The following PLPPR4 variants were observed in gnomAD, a reference collection of about 807,000 sequenced individuals.
PLPPR4 encodes phospholipid phosphatase-related protein type 4.
In PLPPR4, 24 loss-of-function variants were observed where a neutral mutation model predicts 56.6. The ratio of observed to expected loss-of-function variants is 0.42; its 90% CI spans 0.31 to 0.60. The LOEUF (loss-of-function observed/expected upper bound fraction) is 0.60, where lower values mean the gene tolerates loss of function less well. Ranked by LOEUF, PLPPR4 falls within the 20% of genes least tolerant of loss-of-function variation. PLPPR4 has a pLI of 0.13. For synonymous variants in PLPPR4, 326 were observed against 328.1 expected (o/e 0.99, Z 0.07); for missense variants, 654 against 885.8 (o/e 0.74, Z 3.32).
intron 2 of PLPPR4, among the ~76,000 whole-genome samples, chr1:99,292,572 C>T (rs530537671): frequency 2.0e-5 from 3 of 152,296 alleles, no homozygotes; most frequent in East Asian, 3.9e-4. Flanking sequence ...AGGCAAACTA[C>T]GGGACTATTT....
At chr1:99,287,387 A>G (rs912301337) in intron 1 of PLPPR4, among the ~76,000 whole-genome samples, 7 of 152,180 alleles carry the variant, frequency 4.6e-5, no homozygotes, top group African/African-American at 2.4e-5. Flanking sequence ...AATGATTTCT[A>G]TTCCTTTGGG....
chr1:99,301,039 A>G, intron 5 of PLPPR4, 73 bp downstream of exon 5: 1 of 1,309,914 alleles, frequency 7.6e-7, no homozygotes, highest in Non-Finnish European at 1.1e-6. Context: ...TCTCCAGGTG[A>G]CTAATTGGAT....
chr1:99,293,330 T>A (rs1393098712), intron 2 of PLPPR4, among the ~76,000 whole-genome samples: 1 of 152,168 alleles, frequency 6.6e-6, no homozygotes, highest in Non-Finnish European at 1.5e-5. Flanking sequence ...AGTGGAAAAA[T>A]GTATTTCATT....
At position 99,301,713 on chromosome 1, in the gene PLPPR4, C is replaced by A. The variant is rs373595644; in HGVS notation, c.649-11C>A. 177 of 1,590,176 alleles carry A rather than the reference C, an allele frequency of 1.1e-4. No individual in the cohort carries two copies. Among genetic ancestry groups the A allele is most frequent in the Non-Finnish European group, 1.4e-4 (167 of 1,166,176 alleles). ...TTCTAACATACTTAACCCATTTCTTCCATTTTTAAGATGTACTTCAATTCC... is the reference window on the plus strand; with the variant it reads ...TTCTAACATACTTAACCCATTTCTTACATTTTTAAGATGTACTTCAATTCC... On this transcript the variant is annotated splice_polypyrimidine_tract_variant and intron_variant, in intron 5 of 6. Coordinates refer to ENST00000370185, the MANE Select transcript of PLPPR4 (RefSeq NM_014839.5).
intron 2 of PLPPR4, among the ~76,000 whole-genome samples, chr1:99,295,714 C>T (rs533597377): frequency 3.3e-5 from 5 of 152,266 alleles, no homozygotes; most frequent in East Asian, 3.9e-4. Context: ...GACAACCCAA[C>T]GGCCTAAGGT....
chr1:99,299,320 CATA>C, intron 4 of PLPPR4, 90 bp downstream of exon 4: 2 of 897,612 alleles, frequency 2.2e-6, no homozygotes, highest in Non-Finnish European at 3.5e-6. Context: ...CTCTTTCAGT[CATA>C]ATGATTTTGT....
intron 1 of PLPPR4, among the ~76,000 whole-genome samples, chr1:99,273,977 C>T (rs946979359): frequency 6.6e-6 from 1 of 151,896 alleles, no homozygotes; most frequent in African/African-American, 2.4e-5. Context: ...ATTGTACTTA[C>T]GTTCATTTTA....
intron 2 of PLPPR4, among the ~76,000 whole-genome samples, chr1:99,295,880 T>G (rs1659727687): frequency 6.6e-6 from 1 of 152,146 alleles, no homozygotes; most frequent in Admixed American, 6.5e-5. Context: ...AACAATTTCA[T>G]AAAGCTATGC....
chr1:99,295,189 T>C (rs1659713253), intron 2 of PLPPR4, among the ~76,000 whole-genome samples: 1 of 152,216 alleles, frequency 6.6e-6, no homozygotes, highest in Non-Finnish European at 1.5e-5. Context: ...TAGTTTATTA[T>C]GCCACATGAT....
intron 1 of PLPPR4, among the ~76,000 whole-genome samples, chr1:99,278,921 A>G (rs1253837020): frequency 6.6e-6 from 1 of 152,200 alleles, no homozygotes; most frequent in Admixed American, 6.5e-5. Context: ...TGGAGGATCC[A>G]ATTTAAGTTT....
At position 99,305,875 on chromosome 1, in the gene PLPPR4, T is replaced by C. The variant is rs1417144708; in HGVS notation, c.1013T>C (p.Leu338Pro). 10 of 1,613,960 alleles carry C rather than the reference T, an allele frequency of 6.2e-6. No individual in the cohort carries two copies. Among genetic ancestry groups the C allele is most frequent in the South Asian group, 1.1e-5 (1 of 91,084 alleles). ...LNRNHRDASS[L>P]TNLKRANADV... ...CGAAACCACAGAGATGCTAGCTCTC[T>C]GACAAATCTCAAAAGAGCAAATGCT... The change falls in exon 7 of 7, where the codon CTG becomes CCG. Residue 338 changes from leucine to proline, a missense_variant. Physicochemically the swap from Leu to Pro is moderately conservative, Grantham distance 98. Transcript: ENST00000370185.
intron 1 of PLPPR4, among the ~76,000 whole-genome samples, chr1:99,269,275 A>G (rs1026412905): frequency 6.6e-6 from 1 of 152,248 alleles, no homozygotes; most frequent in Non-Finnish European, 1.5e-5. Flanking sequence ...TTATGGCTGC[A>G]TAGTATTCCA....
chr1:99,289,992 A>G (rs971333159), intron 2 of PLPPR4, among the ~76,000 whole-genome samples: 9 of 152,144 alleles, frequency 5.9e-5, no homozygotes, highest in Non-Finnish European at 1.2e-4. Context: ...AAGAGAAGTA[A>G]GACTATTGCT....
rs768582991 is a variant in PLPPR4, at chr1:99,306,272, A to C, written c.1410A>C (p.Gly470=). The part of the protein sequence containing the change: ...AVPGCNNSMP[G]GPRVSIQSRP... ...CCGGATGTAACAACAGCATGCCTGG[A>C]GGGCCAAGAGTGTCCATTCAGTCCC... Residue 470 remains glycine (G), a synonymous_variant, in exon 7 of 7, where the codon GGA becomes GGC. Coordinates refer to ENST00000370185, the MANE Select transcript of PLPPR4 (RefSeq NM_014839.5). This position sits in a 1 kb window ranked among gnomAD's most constrained non-coding sequence, Gnocchi z 4.0. 4.2e-5 allele frequency: 67 copies of C among 1,614,038 alleles called. 1 individual carries two copies. The highest frequency in any genetic ancestry group is 5.4e-5 in the Non-Finnish European group (64 of 1,180,030).
intron 3 of PLPPR4, among the ~76,000 whole-genome samples, chr1:99,298,117 G>T (rs1314266412): frequency 2.0e-5 from 3 of 152,116 alleles, no homozygotes; most frequent in African/African-American, 7.2e-5. Flanking sequence ...ATGTAAAACA[G>T]GGTAATGTGC....
At chr1:99,288,540 T>A (rs1406351822) in intron 2 of PLPPR4, among the ~76,000 whole-genome samples, 1 of 152,136 alleles carries the variant, frequency 6.6e-6, no homozygotes. Context: ...AAAAGTGCAT[T>A]TGCTATCACT....
In PLPPR4 at chr1:99,305,551, A is replaced by G. The variant is rs6685555; in HGVS notation, c.823-134A>G. The G allele has an allele frequency of 0.018, 14,447 of 815,450 alleles. 1,247 individuals are homozygous for G. The African/African-American group carries it at 0.2, about 12-fold the overall frequency. The allele number at this position is 815,450 out of a possible 1,614,324, so 50.5% of individuals were successfully genotyped here. ...ATTTCCCTGCAAAAATATAGTTTTCATGTTTCATTATTTGTACTAGTCAAT... is the reference window on the plus strand; with the variant it reads ...ATTTCCCTGCAAAAATATAGTTTTCGTGTTTCATTATTTGTACTAGTCAAT... On this transcript the variant is annotated intron_variant, in intron 6 of 6. Coordinates refer to ENST00000370185, the MANE Select transcript of PLPPR4 (RefSeq NM_014839.5).
chr1:99,305,625 A>G lies in PLPPR4; in HGVS notation c.823-60A>G, dbSNP rs964980086. On this transcript the variant is annotated intron_variant, in intron 6 of 6. Transcript: ENST00000370185. ...TGTATGTACTTCAGTGGGTACTCTA[A>G]GGAAACCCTAGTGACTGTCTTCTAG... 3.2e-6 allele frequency: 5 copies of G among 1,544,740 alleles called. No individual in the cohort carries two copies. In the African/African-American group the frequency reaches 6.9e-5, roughly 21 times the overall value.
intron 6 of PLPPR4, among the ~76,000 whole-genome samples, chr1:99,302,636 G>A (rs1032690302): frequency 6.7e-6 from 1 of 148,254 alleles, no homozygotes; most frequent in African/African-American, 2.5e-5. Flanking sequence ...TTAGCATTAG[G>A]TATATCTCCT....
Sources: gnomAD v4.1 joint callset for allele counts (sites outside exome capture counted in the v4.1 genomes callset) on GRCh38, gnomAD v4.1.1 for gene constraint, Gnocchi (gnomAD v3.1) non-coding constraint, MANE v1.5 for transcripts, NCBI Gene and HGNC (gene_info 2026-07-23, HGNC 2026-07-21) for gene names.